The following ALS2 variants were observed in gnomAD, a reference collection of about 807,000 sequenced individuals.
ALS2 encodes the protein alsin.
ALS2 carries 117 observed loss-of-function variants against 203.4 expected under a neutral mutation model. The observed-to-expected ratio is 0.58, with a 90% CI of 0.50 to 0.67. ALS2 has a LOEUF of 0.67. ALS2 is among the 30% of genes least tolerant of loss of function. The pLI is 0.00. For synonymous variants in ALS2, 718 were observed against 725.9 expected (o/e 0.99, Z 0.17); for missense variants, 1,715 against 1,989.4 (o/e 0.86, Z 2.62).
At position 201,723,089 on chromosome 2, in the gene ALS2, G is replaced by A. The variant is rs372936145; in HGVS notation, c.3656C>T (p.Thr1219Ile). The A allele has an allele frequency of 2.5e-6, 4 of 1,613,618 alleles. No homozygotes were observed. Among genetic ancestry groups the A allele is most frequent in the East Asian group, 4.5e-5 (2 of 44,842 alleles). ...ATCTGAAAATTCTCCTTCATAGATA[G>A]TATCATCTTCGGAAAGCAAAACCCC... ...GNGVLLSEDD[T>I]IYEGEFSDDW... The change falls in exon 23 of 34, where the codon ACT becomes ATT. Residue 1219 changes from threonine (T) to isoleucine (I), a missense_variant. Thr to Ile is a moderately conservative substitution (Grantham distance 89, BLOSUM62 -1). Transcript: ENST00000264276.
At chr2:201,734,012 G>A (rs1353968742) in intron 12 of ALS2, among the ~76,000 whole-genome samples, 1 of 152,172 alleles carries the variant, frequency 6.6e-6, no homozygotes, top group Non-Finnish European at 1.5e-5. Context: ...GATTATATGT[G>A]AAGATTTCAA....
intron 1 of ALS2, among the ~76,000 whole-genome samples, chr2:201,771,334 A>C (rs183115704): frequency 2.6e-5 from 4 of 152,148 alleles, no homozygotes; most frequent in Non-Finnish European, 5.9e-5. Flanking sequence ...GGTATGAGCC[A>C]CCTTGAGCCA....
chr2:201,769,661 T>C lies in ALS2; in HGVS notation c.-60-716A>G, dbSNP rs188918045. 1.7e-3 allele frequency among the ~76,000 whole-genome samples: 255 copies of C among 152,244 alleles called. 1 individual carries two copies. Among genetic ancestry groups the C allele is most frequent in the Non-Finnish European group, 3.0e-3 (205 of 67,990 alleles). On this transcript the variant is annotated intron_variant, in intron 1 of 33. Coordinates refer to ENST00000264276, the MANE Select transcript of ALS2 (RefSeq NM_020919.4). Reference sequence around the variant, plus strand: ...ACTCAGTATTTAATAAAATAAGAGATAGAAAAATAAACAGAAATGCTGAGT... The same window carrying C: ...ACTCAGTATTTAATAAAATAAGAGACAGAAAAATAAACAGAAATGCTGAGT...
At position 201,766,541 on chromosome 2, in the gene ALS2, C is replaced by T. The variant is rs182073621; in HGVS notation, c.175+688G>A. 4.0e-5 allele frequency among the ~76,000 whole-genome samples: 6 copies of T among 151,310 alleles called. No homozygotes were observed. The East Asian group carries it at 5.9e-4, about 15-fold the overall frequency. ...GTGAGCACCTGTAATCCCAGCTACT[C>T]GGGAGGCTGAGGCAGGAAAATTGCT... On this transcript the variant is annotated intron_variant, in intron 3 of 33. Coordinates refer to ENST00000264276, the MANE Select transcript of ALS2 (RefSeq NM_020919.4).
rs552326402 is a variant in ALS2 at position 201,741,653 on chromosome 2, G to A, written c.2351+21C>T. The A allele has an allele frequency of 5.1e-5, 82 of 1,611,848 alleles. No individual in the cohort carries two copies. In the South Asian group the frequency reaches 8.2e-4, roughly 16 times the overall value. ...GAATAACCCTGCAGAGATTGAACAT[G>A]ACACGGGACTGGATACTTGCTCTGT... On this transcript the variant is annotated intron_variant, in intron 11 of 33. Transcript: ENST00000264276.
intron 11 of ALS2, 52 bp from the exon 12 acceptor site, chr2:201,738,787 T>C (rs1692051807): frequency 2.7e-6 from 4 of 1,470,240 alleles, no homozygotes; most frequent in Non-Finnish European, 3.8e-6. Context: ...AAATTAGTTC[T>C]TCAGTTTCCA....
intron 12 of ALS2, among the ~76,000 whole-genome samples, chr2:201,737,438 A>T (rs1196241753): frequency 1.3e-5 from 2 of 152,212 alleles, no homozygotes; most frequent in African/African-American, 2.4e-5. Context: ...TGGAATTTGG[A>T]AACTCAGATA....
chr2:201,738,853 T>G, intron 11 of ALS2, 118 bp from the exon 12 acceptor site: 1 of 907,312 alleles, frequency 1.1e-6, no homozygotes, highest in South Asian at 1.4e-5. Flanking sequence ...TTTCAGAAGT[T>G]TTGTGATGTC....
intron 7 of ALS2, among the ~76,000 whole-genome samples, chr2:201,752,680 A>AC (rs1382663235): frequency 2.6e-5 from 4 of 152,188 alleles, no homozygotes; most frequent in Non-Finnish European, 1.5e-5. Flanking sequence ...TTTAAAAAAA[A>AC]ACTTAAAACA....
At position 201,728,502 on chromosome 2, in the gene ALS2, T is replaced by A; in HGVS notation, c.2841+10A>T. 1 of 1,614,068 alleles carries A rather than the reference T, an allele frequency of 6.2e-7. No homozygotes were observed. The highest frequency in any genetic ancestry group is 1.7e-5 in the Admixed American group (1 of 60,024). On this transcript the variant is annotated intron_variant, in intron 15 of 33. Transcript: ENST00000264276. ...TCAGGAATTCTTTTAAGGTTAGGAA[T>A]CCAGCCTACCTGGGCATGGACCAGG...
Position 201,763,068 on chromosome 2 carries a change from C to G in ALS2, c.176-1250G>C, listed in dbSNP as rs114227667. ...CAGTGCAGAAGCAGACGCGCACTGG[C>G]CAGCACACCAGATTCCAGGTGTTTG... On this transcript the variant is annotated intron_variant, in intron 3 of 33. Coordinates refer to ENST00000264276, the MANE Select transcript of ALS2 (RefSeq NM_020919.4). 4.9e-3 allele frequency: 852 copies of G among 173,400 alleles called. 10 individuals carry two copies. Among genetic ancestry groups the G allele is most frequent in the African/African-American group, 0.019 (807 of 41,722 alleles). The allele number at this position is 173,400 out of a possible 1,614,324, so 10.7% of individuals were successfully genotyped here. A position where few individuals can be genotyped will look rare whatever the true frequency, so the allele number is the denominator to read the frequency against.
chr2:201,759,330 T>A, intron 4 of ALS2: 6 of 880,556 alleles, frequency 6.8e-6, no homozygotes, highest in Non-Finnish European at 8.2e-6. Flanking sequence ...AGTGAGAGAG[T>A]CTCAGTTATA....
At position 201,724,254 on chromosome 2, in the gene ALS2, T is replaced by C. The variant is rs761161296; in HGVS notation, c.3512+41A>G. On this transcript the variant is annotated intron_variant, in intron 21 of 33. Coordinates refer to ENST00000264276, the MANE Select transcript of ALS2 (RefSeq NM_020919.4). ...CTTGTTAAATAATGATGGTGCTTAA[T>C]CATTGGCTTAAACTGTGGGAATAGA... 8.9e-6 allele frequency: 14 copies of C among 1,577,076 alleles called. No homozygotes were observed. In the East Asian group the frequency reaches 2.0e-4, roughly 23 times the overall value.
chr2:201,779,574 G>T (rs1414228104), intron 1 of ALS2, among the ~76,000 whole-genome samples: 1 of 152,160 alleles, frequency 6.6e-6, no homozygotes, highest in African/African-American at 2.4e-5. Flanking sequence ...GGATCATGAT[G>T]TAGTGGGAGG....
chr2:201,740,171 A>T (rs10804122), intron 11 of ALS2, among the ~76,000 whole-genome samples: 83,017 of 151,932 alleles, frequency 0.55, 25,268 homozygotes, highest in Admixed American at 0.7. Context: ...ACAAAAAATT[A>T]AAAAAATTAG....
intron 29 of ALS2, among the ~76,000 whole-genome samples, chr2:201,706,461 A>G (rs1317250414): frequency 6.7e-6 from 1 of 150,206 alleles, no homozygotes; most frequent in Non-Finnish European, 1.5e-5. Flanking sequence ...AGAGAAAAGA[A>G]GAGAAGGAAG....
intron 3 of ALS2, among the ~76,000 whole-genome samples, chr2:201,765,206 G>A (rs1013092298): frequency 1.3e-5 from 2 of 151,920 alleles, no homozygotes; most frequent in Non-Finnish European, 2.9e-5. Context: ...TCCCTATGTT[G>A]CCCAGGAAAC....
intron 10 of ALS2, among the ~76,000 whole-genome samples, chr2:201,743,184 G>C (rs561854461): frequency 3.9e-5 from 6 of 152,206 alleles, no homozygotes; most frequent in African/African-American, 9.6e-5. Flanking sequence ...AACACAGTGG[G>C]GCAAGGAGTG....
rs184766483 is a variant in ALS2, at chr2:201,749,380, G to C, written c.1815+332C>G. On this transcript the variant is annotated intron_variant, in intron 8 of 33. Coordinates refer to ENST00000264276, the MANE Select transcript of ALS2 (RefSeq NM_020919.4). ...AAAGTCAAACAATGGAGAATTCAAA[G>C]AGTAGACATTATCTGGTAACGCTGA... Among the ~76,000 whole-genome samples the C allele has an allele frequency of 2.6e-3, 397 of 152,168 alleles. 15 individuals are homozygous for C. The highest frequency in any genetic ancestry group is 0.026 in the Admixed American group (397 of 15,282).
Sources: gnomAD v4.1 joint callset for allele counts (sites outside exome capture counted in the v4.1 genomes callset) on GRCh38, gnomAD v4.1.1 for gene constraint, MANE v1.5 for transcripts, NCBI Gene and HGNC (gene_info 2026-07-23, HGNC 2026-07-21) for gene names.